PDE11A: variants seen among roughly 807,000 people sequenced by gnomAD.
The protein encoded by PDE11A is dual 3',5'-cyclic-AMP and -GMP phosphodiesterase 11A.
In PDE11A, 100 loss-of-function variants were observed where a neutral mutation model predicts 100.5. The observed-to-expected ratio is 1.00, with a 90% CI of 0.85 to 1.18. The LOEUF (loss-of-function observed/expected upper bound fraction) is 1.18, where lower values mean the gene tolerates loss of function less well. Among genes scored for constraint, PDE11A ranks in the 50% most tolerant of loss-of-function variants. The pLI, the probability that PDE11A is intolerant of heterozygous loss-of-function variation, is 0.00. For synonymous variants in PDE11A, 381 were observed against 420.8 expected, an observed-to-expected ratio of 0.91 and a Z score of 1.16; for missense variants, 1,141 against 1,152.6, an observed-to-expected ratio of 0.99 and a Z score of 0.15.
chr2:177,858,178 T>C (rs892597949), intron 5 of PDE11A, among the ~76,000 whole-genome samples: 1 of 151,138 alleles, frequency 6.6e-6, no homozygotes, highest in South Asian at 2.1e-4. Context: ...ATTCAGGACA[T>C]AGGCATGGGC....
chr2:177,845,101 C>G (rs1217580355), intron 5 of PDE11A, among the ~76,000 whole-genome samples: 1 of 152,074 alleles, frequency 6.6e-6, no homozygotes, highest in African/African-American at 2.4e-5. Flanking sequence ...CTCCTCACTT[C>G]CCAGTAGGGG....
chr2:177,751,362 A>C lies in PDE11A; in HGVS notation c.1788+17961T>G, dbSNP rs545279666. ...TTCCTGAAAACCTACACCTGCCACTATACCAACTTTATGTAAATGACTAAT... is the reference window on the plus strand; with the variant it reads ...TTCCTGAAAACCTACACCTGCCACTCTACCAACTTTATGTAAATGACTAAT... On this transcript the variant is annotated intron_variant, in intron 10 of 19. Transcript: ENST00000286063. Among the ~76,000 whole-genome samples the C allele has an allele frequency of 1.4e-3, 212 of 152,316 alleles. 3 individuals are homozygous for C. Among genetic ancestry groups the C allele is most frequent in the African/African-American group, 5.0e-3 (209 of 41,580 alleles).
At chr2:178,093,467 T>G (rs762119450) in intron 2 of PDE11A, among the ~76,000 whole-genome samples, 1 of 152,178 alleles carries the variant, frequency 6.6e-6, no homozygotes, top group Non-Finnish European at 1.5e-5. Flanking sequence ...TCAAAATCCA[T>G]GATTTCAAAA....
intron 4 of PDE11A, among the ~76,000 whole-genome samples, chr2:177,895,410 TG>T (rs1420707141): frequency 6.6e-6 from 1 of 151,870 alleles, no homozygotes; most frequent in African/African-American, 2.4e-5. Context: ...AAAAATTAGC[TG>T]GGTATCGTGG....
intron 5 of PDE11A, among the ~76,000 whole-genome samples, chr2:177,853,674 ATATATATG>A (rs1258221487): frequency 2.3e-4 from 8 of 34,362 alleles, no homozygotes; most frequent in South Asian, 1.3e-3. Context: ...ATATATATAT[ATATATATG>A]TGTGTGTGTG....
intron 19 of PDE11A, among the ~76,000 whole-genome samples, chr2:177,659,111 A>G (rs2105471395): frequency 6.6e-6 from 1 of 152,188 alleles, no homozygotes; most frequent in East Asian, 1.9e-4. Context: ...ATACAAAAAA[A>G]TTAGCCAGGT....
chr2:177,952,620 T>C (rs138617288), intron 2 of PDE11A, among the ~76,000 whole-genome samples: 1 of 152,178 alleles, frequency 6.6e-6, no homozygotes, highest in African/African-American at 2.4e-5. Flanking sequence ...CAGAAACCCA[T>C]ATCCTTCCAG....
At chr2:177,926,868 C>T (rs1178590582) in intron 2 of PDE11A, 1 of 152,048 alleles carries the variant, frequency 6.6e-6, no homozygotes, top group African/African-American at 2.4e-5. Flanking sequence ...TTTTTTACTC[C>T]ACATCTGCAA....
upstream of PDE11A, chr2:178,073,015 G>A: frequency 1.0e-6 from 1 of 985,260 alleles, no homozygotes. Context: ...TTCCTTCCCC[G>A]CTTCTTGCTC....
intron 2 of PDE11A, among the ~76,000 whole-genome samples, chr2:177,938,372 C>T: frequency 6.6e-6 from 1 of 152,168 alleles, no homozygotes; most frequent in Non-Finnish European, 1.5e-5. Context: ...TCTGCTCTGC[C>T]ATGCCTACCA....
intron 1 of PDE11A, among the ~76,000 whole-genome samples, chr2:178,046,887 G>A (rs1333654420): frequency 6.6e-6 from 1 of 152,126 alleles, no homozygotes; most frequent in South Asian, 2.1e-4. Flanking sequence ...GGAATCTTGA[G>A]GTGCATAGAA....
At chr2:177,926,236 G>GA (rs35625068) in intron 2 of PDE11A, among the ~76,000 whole-genome samples, 13,111 of 151,514 alleles carry the variant, frequency 0.087, 539 homozygotes, top group South Asian at 0.1. Flanking sequence ...CATTGTCTAG[G>GA]AAAAAAAAGA....
At chr2:177,945,727 TG>T (rs749776424) in intron 2 of PDE11A, among the ~76,000 whole-genome samples, 67 of 110,892 alleles carry the variant, frequency 6.0e-4, no homozygotes, top group Non-Finnish European at 8.6e-4. Context: ...GGGAGGGAGG[TG>T]GGGGGGGTCA....
intron 10 of PDE11A, among the ~76,000 whole-genome samples, chr2:177,752,758 T>C (rs141745069): frequency 6.4e-4 from 98 of 152,364 alleles, no homozygotes; most frequent in African/African-American, 2.2e-3. Context: ...AATTTTCAAG[T>C]AGCTTAGAGT....
intron 9 of PDE11A, among the ~76,000 whole-genome samples, chr2:177,815,204 T>C (rs2083017428): frequency 6.6e-6 from 1 of 152,158 alleles, no homozygotes; most frequent in African/African-American, 2.4e-5. Flanking sequence ...TTGCTATTTC[T>C]CCCCAATCCA....
chr2:177,755,323 C>G (rs190714504), intron 10 of PDE11A, among the ~76,000 whole-genome samples: 11 of 152,312 alleles, frequency 7.2e-5, no homozygotes, highest in Admixed American at 7.2e-4. Flanking sequence ...ATATAGCCAA[C>G]ATCACTTGTG....
In PDE11A at chr2:177,952,706, G is replaced by T. The variant is rs375090544; in HGVS notation, c.1072-47519C>A. ...GTTGCTGTTACTTGTAACTGAACAG[G>T]TGATATTAATAACTTACATTCTTGC... On this transcript the variant is annotated intron_variant, in intron 2 of 19. Coordinates refer to ENST00000286063, the MANE Select transcript of PDE11A (RefSeq NM_016953.4). Among the ~76,000 whole-genome samples, 38 of 152,280 alleles carry T rather than the reference G, an allele frequency of 2.5e-4. No individual in the cohort carries two copies. The South Asian group carries it at 5.8e-3, about 23-fold the overall frequency.
intron 9 of PDE11A, among the ~76,000 whole-genome samples, chr2:177,814,719 G>A (rs1390118046): frequency 2.6e-5 from 4 of 152,202 alleles, no homozygotes; most frequent in South Asian, 4.1e-4. Flanking sequence ...AGGGATCTGA[G>A]TTACATAAAC....
At chr2:177,704,624 G>T (rs1044514017) in intron 13 of PDE11A, among the ~76,000 whole-genome samples, 1 of 151,950 alleles carries the variant, frequency 6.6e-6, no homozygotes, top group African/African-American at 2.4e-5. Context: ...TTATCAAAAA[G>T]TATTCTACAG....
Sources: allele counts gnomAD v4.1 joint callset (sites outside exome capture counted in the v4.1 genomes callset), GRCh38; gene constraint gnomAD v4.1.1; transcripts MANE v1.5; gene names NCBI Gene and HGNC (gene_info 2026-07-23, HGNC 2026-07-21).